GPR19: variants seen among roughly 807,000 people sequenced by gnomAD.
GPR19 encodes the protein probable G protein-coupled receptor 19.
GPR19 carries 14 observed loss-of-function variants against 28.5 expected under a neutral mutation model. The observed-to-expected ratio is 0.49, with a 90% CI of 0.32 to 0.77. The LOEUF is 0.77. Among genes scored for constraint, GPR19 ranks in the 30% least tolerant of loss-of-function variants. GPR19 has a pLI of 0.03. For synonymous variants in GPR19, 173 were observed against 184.1 expected, an observed-to-expected ratio of 0.94 and a Z score of 0.49; for missense variants, 409 against 504.1, an observed-to-expected ratio of 0.81 and a Z score of 1.81.
At chr12:12,713,838 G>A in the GPR19 span, among the ~76,000 whole-genome samples, 3 of 152,158 alleles carry the variant, frequency 2.0e-5, no homozygotes, top group Admixed American at 2.0e-4. Context: ...GGCCTCAAAG[G>A]CCACTTTCTC....
chr12:12,678,881 C>G (rs367831539), intron 3 of GPR19, among the ~76,000 whole-genome samples: 1 of 152,314 alleles, frequency 6.6e-6, no homozygotes, highest in East Asian at 1.9e-4. Context: ...ACTACAGCCT[C>G]TGCCTCCTGG....
intron 3 of GPR19, among the ~76,000 whole-genome samples, chr12:12,671,669 A>T (rs1425622185): frequency 6.6e-6 from 1 of 152,192 alleles, no homozygotes; most frequent in Non-Finnish European, 1.5e-5. Flanking sequence ...AAATAGCTTA[A>T]AACAACCATG....
chr12:12,717,058 G>A, the GPR19 span: 18 of 1,007,288 alleles, frequency 1.8e-5, no homozygotes, highest in Non-Finnish European at 2.1e-5. Context: ...CCAACGCAGC[G>A]CCGGGCCCCG....
intron 3 of GPR19, among the ~76,000 whole-genome samples, chr12:12,683,222 C>A (rs545343102): frequency 6.6e-6 from 1 of 152,196 alleles, no homozygotes; most frequent in Admixed American, 6.5e-5. Context: ...GGAAACAGAA[C>A]GGCAATTACT....
chr12:12,698,404 C>T (rs1246074456), upstream of GPR19, among the ~76,000 whole-genome samples: 4 of 152,234 alleles, frequency 2.6e-5, no homozygotes, highest in East Asian at 3.9e-4. Flanking sequence ...TACTCTGATA[C>T]TGTAAAGTAA....
chr12:12,696,958 T>C (rs1191741725), upstream of GPR19, among the ~76,000 whole-genome samples: 1 of 151,910 alleles, frequency 6.6e-6, no homozygotes, highest in Non-Finnish European at 1.5e-5. Flanking sequence ...AGGAAAACAA[T>C]AGCACCACCC....
chr12:12,675,615 G>A (rs925110633), intron 3 of GPR19, among the ~76,000 whole-genome samples: 3 of 152,218 alleles, frequency 2.0e-5, no homozygotes, highest in African/African-American at 7.2e-5. Context: ...AGCAGCAGGA[G>A]AAGTCAGAGA....
chr12:12,684,913 C>A (rs1945386680), intron 2 of GPR19: 1 of 152,332 alleles, frequency 6.6e-6, no homozygotes, highest in African/African-American at 2.4e-5. Flanking sequence ...AGTCAGTATC[C>A]TGACCTGGCA....
At chr12:12,685,285 G>A (rs978599353) in intron 2 of GPR19, among the ~76,000 whole-genome samples, 5 of 149,818 alleles carry the variant, frequency 3.3e-5, no homozygotes, top group African/African-American at 9.9e-5. Flanking sequence ...TTTTTGGTGG[G>A]GGGGAGGGAG....
intron 2 of GPR19, among the ~76,000 whole-genome samples, chr12:12,692,596 A>G (rs1407262746): frequency 6.6e-6 from 1 of 152,216 alleles, no homozygotes; most frequent in Non-Finnish European, 1.5e-5. Flanking sequence ...ACCCTCATTT[A>G]TAGAACCAGA....
intron 3 of GPR19, among the ~76,000 whole-genome samples, chr12:12,679,088 T>A (rs1026191127): frequency 6.6e-6 from 1 of 152,144 alleles, no homozygotes; most frequent in Non-Finnish European, 1.5e-5. Flanking sequence ...TGAACCACCG[T>A]GTCTGGCTCT....
At chr12:12,678,028 C>T (rs753554276) in intron 3 of GPR19, among the ~76,000 whole-genome samples, 5 of 135,074 alleles carry the variant, frequency 3.7e-5, no homozygotes, top group Non-Finnish European at 6.1e-5. Context: ...GAGCTGAGAT[C>T]GTGCCACTGC....
chr12:12,664,513 T>C (rs1463889149), intron 3 of GPR19, among the ~76,000 whole-genome samples: 2 of 152,042 alleles, frequency 1.3e-5, no homozygotes, highest in Non-Finnish European at 2.9e-5. Context: ...AAAAAAAGTT[T>C]TTGCTCACCA....
At chr12:12,678,789 T>G (rs1296413356) in intron 3 of GPR19, among the ~76,000 whole-genome samples, 1 of 152,196 alleles carries the variant, frequency 6.6e-6, no homozygotes, top group East Asian at 1.9e-4. Flanking sequence ...TGCAATTACT[T>G]TCGCACCAGC....
intron 3 of GPR19, among the ~76,000 whole-genome samples, chr12:12,678,938 A>G (rs1396123699): frequency 3.3e-5 from 5 of 152,152 alleles, no homozygotes; most frequent in African/African-American, 1.2e-4. Context: ...CTGGAATTAC[A>G]GGTGCACGCC....
the GPR19 span, among the ~76,000 whole-genome samples, chr12:12,711,123 G>C: frequency 1.3e-5 from 2 of 151,798 alleles, no homozygotes; most frequent in Non-Finnish European, 2.9e-5. Flanking sequence ...GTGAAACCTC[G>C]TCTCTACTGA....
the GPR19 span, chr12:12,715,960 A>G: frequency 6.6e-6 from 1 of 152,280 alleles, no homozygotes; most frequent in African/African-American, 2.4e-5. Context: ...TAGGTGCTTA[A>G]GAAAACTTTG....
At chr12:12,693,920 C>T (rs1592270632) in intron 2 of GPR19, among the ~76,000 whole-genome samples, 1 of 152,096 alleles carries the variant, frequency 6.6e-6, no homozygotes, top group East Asian at 1.9e-4. Context: ...CCAGGCTGGT[C>T]TCAAGCTCCT....
At chr12:12,677,174 G>A (rs973261309) in intron 3 of GPR19, among the ~76,000 whole-genome samples, 6 of 151,516 alleles carry the variant, frequency 4.0e-5, no homozygotes, top group Non-Finnish European at 8.8e-5. Context: ...TTTCTAGAAA[G>A]CAACCTTCAA....
Sources: allele counts gnomAD v4.1 joint callset (sites outside exome capture counted in the v4.1 genomes callset), GRCh38; gene constraint gnomAD v4.1.1; transcripts MANE v1.5; gene names NCBI Gene and HGNC (gene_info 2026-07-23, HGNC 2026-07-21).